GPHN: variants seen among roughly 807,000 people sequenced by gnomAD.
The protein encoded by GPHN is gephyrin.
In GPHN, 17 loss-of-function variants were observed where a neutral mutation model predicts 95.5. That is an observed-to-expected ratio of 0.18 (90% CI 0.12 to 0.27). GPHN has a LOEUF of 0.27. Ranked by LOEUF, GPHN falls within the 10% of genes least tolerant of loss-of-function variation. The pLI is 1.00. For missense variants in GPHN, 660 were observed against 978.1 expected, an observed-to-expected ratio of 0.67 and a Z score of 4.34; for synonymous variants, 320 against 322.5, an observed-to-expected ratio of 0.99 and a Z score of 0.08.
chr14:67,731,846 G>T, the GPHN span, among the ~76,000 whole-genome samples: 2 of 151,662 alleles, frequency 1.3e-5, no homozygotes, highest in Non-Finnish European at 2.9e-5. Context: ...TAAAAATTTT[G>T]CCAGGTGCAG....
the GPHN span, chr14:67,471,469 C>G: frequency 2.0e-5 from 3 of 152,134 alleles, no homozygotes; most frequent in South Asian, 6.2e-4. Context: ...TATTCTCCTC[C>G]TGGAATTTTC....
At chr14:66,979,854 T>G (rs1397611517) in intron 9 of GPHN, among the ~76,000 whole-genome samples, 1 of 152,150 alleles carries the variant, frequency 6.6e-6, no homozygotes, top group African/African-American at 2.4e-5. Flanking sequence ...TCCTTCTACT[T>G]GAACTCTTAG....
At chr14:66,700,434 T>G (rs953163578) in intron 2 of GPHN, among the ~76,000 whole-genome samples, 4 of 152,234 alleles carry the variant, frequency 2.6e-5, no homozygotes, top group African/African-American at 9.6e-5. Context: ...GTAATACATG[T>G]ACGCATGTTG....
chr14:67,528,634 C>T, the GPHN span, among the ~76,000 whole-genome samples: 128 of 152,320 alleles, frequency 8.4e-4, no homozygotes, highest in African/African-American at 3.0e-3. Flanking sequence ...CAGCTCCCAA[C>T]TCAGGTGCTC....
At chr14:67,353,091 C>T in the GPHN span, 1 of 1,371,574 alleles carries the variant, frequency 7.3e-7, no homozygotes, top group Non-Finnish European at 1.0e-6. Flanking sequence ...GTTTAAAAGA[C>T]AAAAAAAACC....
chr14:66,929,113 T>TG (rs2066645250), intron 8 of GPHN, among the ~76,000 whole-genome samples: 1 of 150,148 alleles, frequency 6.7e-6, no homozygotes, highest in South Asian at 2.1e-4. Flanking sequence ...TAGAGTACAG[T>TG]GGGGCATTCT....
chr14:67,054,546 A>G (rs117654600), intron 10 of GPHN, among the ~76,000 whole-genome samples: 1,843 of 152,334 alleles, frequency 0.012, 19 homozygotes, highest in Non-Finnish European at 0.018. Context: ...TATAGATTCA[A>G]TGCTGTTCCC....
At chr14:67,564,507 G>A in the GPHN span, among the ~76,000 whole-genome samples, 1 of 151,998 alleles carries the variant, frequency 6.6e-6, no homozygotes. Flanking sequence ...GCCCAGGCTG[G>A]AGTGCAGTGG....
chr14:66,555,806 A>G (rs537811135), intron 1 of GPHN, among the ~76,000 whole-genome samples: 33 of 151,998 alleles, frequency 2.2e-4, no homozygotes, highest in Non-Finnish European at 3.5e-4. Flanking sequence ...AAAAACCCCT[A>G]CTTTAATGGT....
At chr14:67,275,287 A>G in the GPHN span, among the ~76,000 whole-genome samples, 16 of 152,322 alleles carry the variant, frequency 1.1e-4, no homozygotes, top group African/African-American at 3.6e-4. Flanking sequence ...ATTTTGAGAT[A>G]CATTCCATCA....
intron 4 of GPHN, among the ~76,000 whole-genome samples, chr14:66,841,851 G>A (rs1339966040): frequency 1.3e-5 from 2 of 152,038 alleles, no homozygotes; most frequent in Non-Finnish European, 2.9e-5. Context: ...GACCAGCCTG[G>A]ACAACCGGGT....
intron 2 of GPHN, among the ~76,000 whole-genome samples, chr14:66,682,658 G>A (rs1196699877): frequency 6.6e-6 from 1 of 152,158 alleles, no homozygotes; most frequent in Non-Finnish European, 1.5e-5. Flanking sequence ...GCTGAGGCAG[G>A]AGAATCTCTC....
the GPHN span, among the ~76,000 whole-genome samples, chr14:67,427,984 C>T: frequency 2.6e-5 from 4 of 151,200 alleles, no homozygotes; most frequent in African/African-American, 7.3e-5. Context: ...TACAGTGGCA[C>T]GATTCTGGCT....
At chr14:67,712,360 GTTT>G in the GPHN span, among the ~76,000 whole-genome samples, 3 of 151,870 alleles carry the variant, frequency 2.0e-5, no homozygotes, top group Admixed American at 6.6e-5. Context: ...TGTTGTTGTT[GTTT>G]TTTGTTTTTT....
the GPHN span, chr14:67,729,108 C>A: frequency 7.2e-7 from 1 of 1,386,888 alleles, no homozygotes. Context: ...CTCCTTCTCA[C>A]TTGTGTATTT....
chr14:66,960,179 T>A (rs995777310), intron 8 of GPHN, among the ~76,000 whole-genome samples: 2 of 151,998 alleles, frequency 1.3e-5, no homozygotes, highest in Non-Finnish European at 2.9e-5. Flanking sequence ...TTTAGCTCTT[T>A]CAGCTAAACT....
chr14:67,683,393 A>G, the GPHN span, among the ~76,000 whole-genome samples: 1 of 152,180 alleles, frequency 6.6e-6, no homozygotes, highest in Non-Finnish European at 1.5e-5. Context: ...CACATTTCCA[A>G]CTATCTGCTA....
At chr14:67,715,221 T>A in the GPHN span, 147,169 of 151,712 alleles carry the variant, frequency 0.97, 71,515 homozygotes, top group East Asian at 1. Context: ...CGTTAAAAAA[T>A]AAAAGGGGGG....
the GPHN span, among the ~76,000 whole-genome samples, chr14:67,274,554 G>A: frequency 3.9e-5 from 6 of 152,144 alleles, no homozygotes; most frequent in Admixed American, 3.9e-4. Context: ...GTTGGATAGG[G>A]TGATGCCTTC....
Sources: gnomAD v4.1 joint callset for allele counts (sites outside exome capture counted in the v4.1 genomes callset) on GRCh38, gnomAD v4.1.1 for gene constraint, MANE v1.5 for transcripts, NCBI Gene and HGNC (gene_info 2026-07-23, HGNC 2026-07-21) for gene names.